The following PLXNA4 variants were observed in gnomAD, a reference collection of about 807,000 sequenced individuals.
PLXNA4 encodes plexin A4.
In PLXNA4, 44 loss-of-function variants were observed where a neutral mutation model predicts 191.8. That is an observed-to-expected ratio of 0.23 (90% CI 0.18 to 0.29). The LOEUF (loss-of-function observed/expected upper bound fraction) is 0.29, where lower values mean the gene tolerates loss of function less well. Among genes scored for constraint, PLXNA4 ranks in the 10% least tolerant of loss-of-function variants. The probability of loss-of-function intolerance (pLI) is 1.00; values close to 1 mark genes in which losing one functional copy is unlikely to be tolerated. For synonymous variants in PLXNA4, 1,082 were observed against 1,009.5 expected (o/e 1.07, Z -1.36); for missense variants, 1,800 against 2,488.8 (o/e 0.72, Z 5.89).
chr7:132,210,846 C>A, intron 10 of PLXNA4, 97 bp downstream of exon 10: 2 of 1,368,354 alleles, frequency 1.5e-6, no homozygotes, highest in Admixed American at 1.8e-5. Flanking sequence ...GTTGAGGAAA[C>A]GACTGCAGGG....
At chr7:132,494,101 T>C (rs182375217) in intron 2 of PLXNA4, among the ~76,000 whole-genome samples, 1 of 152,346 alleles carries the variant, frequency 6.6e-6, no homozygotes, top group Admixed American at 6.5e-5. Context: ...TCAGATGACC[T>C]CTGCGGTTCT....
chr7:132,632,088 T>G (rs1803501801), intron 2 of PLXNA4, among the ~76,000 whole-genome samples: 1 of 151,800 alleles, frequency 6.6e-6, no homozygotes, highest in Admixed American at 6.6e-5. Flanking sequence ...ATACAAAAAT[T>G]AGTCAGGCGT....
intron 1 of PLXNA4, among the ~76,000 whole-genome samples, chr7:132,544,766 C>T (rs1800222790): frequency 1.3e-5 from 2 of 152,086 alleles, no homozygotes; most frequent in African/African-American, 4.8e-5. Context: ...TTCCTCCCTT[C>T]CATGTGTATG....
intron 14 of PLXNA4, among the ~76,000 whole-genome samples, chr7:132,189,890 A>C (rs901629314): frequency 1.3e-5 from 2 of 148,814 alleles, no homozygotes; most frequent in African/African-American, 5.1e-5. Context: ...CCAGAGAAAG[A>C]GACTGGTGTC....
intron 5 of PLXNA4, among the ~76,000 whole-genome samples, chr7:132,237,731 C>T (rs978445727): frequency 2.0e-5 from 3 of 152,224 alleles, no homozygotes; most frequent in East Asian, 1.9e-4. Context: ...TTTTTATCCT[C>T]GTGCCATCAC....
chr7:132,476,099 G>C (rs1797120418), intron 3 of PLXNA4, among the ~76,000 whole-genome samples: 1 of 152,110 alleles, frequency 6.6e-6, no homozygotes, highest in Non-Finnish European at 1.5e-5. Context: ...GTGTCAGCTG[G>C]GTGTTTGTGC....
At chr7:132,580,857 C>G (rs1256245616), upstream of PLXNA4, among the ~76,000 whole-genome samples, 1 of 152,170 alleles carries the variant, frequency 6.6e-6, no homozygotes, top group Non-Finnish European at 1.5e-5. Flanking sequence ...ATAGAAAAAC[C>G]ACAGGCAGGC....
At chr7:132,157,764 G>T (rs1207720336) in intron 25 of PLXNA4, among the ~76,000 whole-genome samples, 6 of 152,172 alleles carry the variant, frequency 3.9e-5, no homozygotes, top group Admixed American at 3.9e-4. Context: ...GGTGCTAGCT[G>T]GTTCCACTAC....
At chr7:132,157,309 C>T (rs753272241) in intron 25 of PLXNA4, among the ~76,000 whole-genome samples, 11 of 152,184 alleles carry the variant, frequency 7.2e-5, no homozygotes, top group African/African-American at 9.7e-5. Context: ...TTCATCATGG[C>T]GGGTGGCAGG....
chr7:132,459,043 T>C (rs1332172751), intron 3 of PLXNA4, among the ~76,000 whole-genome samples: 1 of 152,178 alleles, frequency 6.6e-6, no homozygotes, highest in Non-Finnish European at 1.5e-5. Context: ...ATATGCAGCT[T>C]AGGAAGTATA....
intron 4 of PLXNA4, among the ~76,000 whole-genome samples, chr7:132,287,103 C>T (rs543488989): frequency 2.6e-5 from 4 of 152,252 alleles, no homozygotes; most frequent in Admixed American, 1.3e-4. Context: ...GGCATGATCT[C>T]GGCTCACTGC....
chr7:132,524,401 T>C (rs1169490947), intron 1 of PLXNA4, among the ~76,000 whole-genome samples: 1 of 152,160 alleles, frequency 6.6e-6, no homozygotes, highest in African/African-American at 2.4e-5. Flanking sequence ...CATTAAAGGA[T>C]TGAAAATGGA....
At chr7:132,630,466 G>C (rs957161973) in intron 2 of PLXNA4, among the ~76,000 whole-genome samples, 6 of 152,058 alleles carry the variant, frequency 3.9e-5, no homozygotes, top group African/African-American at 1.4e-4. Context: ...TGCTTTTCCA[G>C]CTTCCTCAAT....
intron 3 of PLXNA4, among the ~76,000 whole-genome samples, chr7:132,334,248 CTTTCTTTT>C (rs1802718869): frequency 1.0e-5 from 1 of 99,746 alleles, no homozygotes; most frequent in Non-Finnish European, 2.1e-5. Flanking sequence ...TTCTTTCTTT[CTTTCTTTT>C]TTTTTTTTTT....
intron 14 of PLXNA4, among the ~76,000 whole-genome samples, chr7:132,190,623 A>T (rs1222636441): frequency 6.6e-6 from 1 of 152,186 alleles, no homozygotes; most frequent in Non-Finnish European, 1.5e-5. Flanking sequence ...TCCCAAAGAA[A>T]AGAAAGTCCT....
chr7:132,481,765 A>T (rs1797346764), intron 3 of PLXNA4, among the ~76,000 whole-genome samples: 1 of 152,136 alleles, frequency 6.6e-6, no homozygotes, highest in Admixed American at 6.5e-5. Flanking sequence ...ACTGATTCAA[A>T]ATCTAAGCAT....
At position 132,209,681 on chromosome 7, in the gene PLXNA4, C is replaced by A. The variant is rs541887898; in HGVS notation, c.2298+1262G>T. ...GTGTGGGCCTCTCTGAGCTCCATTT[C>A]CCCCTGGACTACTTCCTGCAGGAAG... On this transcript the variant is annotated intron_variant, in intron 10 of 31. Coordinates refer to ENST00000321063, the MANE Select transcript of PLXNA4 (RefSeq NM_020911.2). 7.2e-5 allele frequency among the ~76,000 whole-genome samples: 11 copies of A among 152,260 alleles called. No homozygotes were observed. In the South Asian group the frequency reaches 2.3e-3, roughly 32 times the overall value.
intron 3 of PLXNA4, among the ~76,000 whole-genome samples, chr7:132,393,126 G>A (rs1793583716): frequency 6.6e-6 from 1 of 151,194 alleles, no homozygotes; most frequent in Non-Finnish European, 1.5e-5. Context: ...CGCTGGAAAT[G>A]TTCACTTATC....
chr7:132,238,816 G>C (rs910726454), intron 5 of PLXNA4, among the ~76,000 whole-genome samples: 12 of 147,072 alleles, frequency 8.2e-5, no homozygotes, highest in South Asian at 4.3e-4. Flanking sequence ...GTCACAAGAG[G>C]GGGGGGGGCA....
Sources: allele counts gnomAD v4.1 joint callset (sites outside exome capture counted in the v4.1 genomes callset), GRCh38; gene constraint gnomAD v4.1.1; transcripts MANE v1.5; gene names NCBI Gene and HGNC (gene_info 2026-07-23, HGNC 2026-07-21).